ZNF525: variants seen among roughly 807,000 people sequenced by gnomAD.
ZNF525 encodes zinc finger protein 525.
ZNF525 carries 33 observed loss-of-function variants against 37.6 expected under a neutral mutation model. The ratio of observed to expected loss-of-function variants is 0.88; its 90% CI spans 0.67 to 1.17. ZNF525 has a LOEUF of 1.17. Among genes scored for constraint, ZNF525 ranks in the 50% most tolerant of loss-of-function variants. The pLI is 0.00. For synonymous variants in ZNF525, 170 were observed against 182.3 expected (o/e 0.93, Z 0.54); for missense variants, 449 against 543.1 (o/e 0.83, Z 1.72).
intron 2 of ZNF525, among the ~76,000 whole-genome samples, chr19:53,373,550 A>C (rs1226566761): frequency 6.6e-6 from 1 of 152,034 alleles, no homozygotes; most frequent in Admixed American, 6.6e-5. Context: ...TTCCAGCCTC[A>C]CTGGGGAGCC....
rs1049107425 is a variant in ZNF525 at position 53,384,046 on chromosome 19, T to C, written c.*2027T>C. On this transcript the variant is annotated 3_prime_UTR_variant, in exon 4 of 4. Coordinates refer to ENST00000474037, the MANE Select transcript of ZNF525 (RefSeq NM_001348156.2). ...CACTCCTTGCAGAATATCAGAAAATTCATTTTTCAGGTAATTGTTCCCAAT... is the reference window on the plus strand; with the variant it reads ...CACTCCTTGCAGAATATCAGAAAATCCATTTTTCAGGTAATTGTTCCCAAT... 1 of 556,676 alleles carries C rather than the reference T, an allele frequency of 1.8e-6. No individual in the cohort carries two copies. The highest frequency in any genetic ancestry group is 5.0e-5 in the East Asian group (1 of 20,002). 34.5% of individuals were successfully genotyped at this position (556,676 alleles called of 1,614,324 possible).
chr19:53,371,344 G>A (rs910020489), intron 1 of ZNF525, among the ~76,000 whole-genome samples: 1 of 151,724 alleles, frequency 6.6e-6, no homozygotes, highest in African/African-American at 2.4e-5. Flanking sequence ...GATTACAGGT[G>A]TGTGCCACCA....
chr19:53,366,730 AAAG>A (rs561348620), intron 1 of ZNF525, among the ~76,000 whole-genome samples: 148 of 150,380 alleles, frequency 9.8e-4, no homozygotes, highest in East Asian at 2.7e-3. Flanking sequence ...TGCTGGTGGC[AAAG>A]AGAACAGAGG....
rs1273172756 is a variant in ZNF525, at chr19:53,385,090, G to A, written c.*3071G>A. 1 of 572,344 alleles carries A rather than the reference G, an allele frequency of 1.7e-6. No individual in the cohort carries two copies. Among genetic ancestry groups the A allele is most frequent in the Non-Finnish European group, 3.1e-6 (1 of 320,548 alleles). 35.5% of individuals were successfully genotyped at this position (572,344 alleles called of 1,614,324 possible). A position where few individuals can be genotyped will look rare whatever the true frequency, so the allele number is the denominator to read the frequency against. On this transcript the variant is annotated 3_prime_UTR_variant, in exon 4 of 4. Coordinates refer to ENST00000474037, the MANE Select transcript of ZNF525 (RefSeq NM_001348156.2). ...ATATAACATTGATTTGCTTGAATAT[G>A]TTGAACCATCCTTGCATCCCAGAAA...
rs1363679906 is a variant in ZNF525, at chr19:53,381,320, A to G, written c.741A>G (p.Val247=). The change falls in exon 4 of 4, where the codon GTA becomes GTG. Residue 247 remains valine (V), a synonymous_variant. Transcript: ENST00000474037. ...GAGAGAAACAATATAAATGTGATGT[A>G]TGTGACAAGGTCTTTATTCGGAAGC... ...HLGEKQYKCD[V]CDKVFIRKRY... 2.2e-5 allele frequency: 33 copies of G among 1,509,484 alleles called. No individual in the cohort carries two copies. Among genetic ancestry groups the G allele is most frequent in the Non-Finnish European group, 3.0e-5 (33 of 1,084,732 alleles). The allele number at this position is 1,509,484 out of a possible 1,614,324, so 93.5% of individuals were successfully genotyped here.
At chr19:53,374,599 C>T (rs976227489) in intron 2 of ZNF525, among the ~76,000 whole-genome samples, 1 of 152,148 alleles carries the variant, frequency 6.6e-6, no homozygotes, top group Non-Finnish European at 1.5e-5. Context: ...CCTTTTCCAG[C>T]AAGATGAGAT....
In ZNF525 at chr19:53,383,052, C is replaced by G; in HGVS notation, c.*1033C>G. ...CTTGCATGTCATCATAGACTTCATA[C>G]TGGAGAGAACGCTTGCAAGTGTAAT... On this transcript the variant is annotated 3_prime_UTR_variant, in exon 4 of 4. Transcript: ENST00000474037. 2.1e-6 allele frequency: 3 copies of G among 1,440,564 alleles called. No homozygotes were observed. Among genetic ancestry groups the G allele is most frequent in the Non-Finnish European group, 2.9e-6 (3 of 1,032,844 alleles). The allele number at this position is 1,440,564 out of a possible 1,614,324, so 89.2% of individuals were successfully genotyped here. A position where few individuals can be genotyped will look rare whatever the true frequency, so the allele number is the denominator to read the frequency against.
rs900821976 is a variant in ZNF525 at position 53,384,869 on chromosome 19, A to G, written c.*2850A>G. 5.5e-5 allele frequency: 38 copies of G among 685,044 alleles called. 1 individual carries two copies. The highest frequency in any genetic ancestry group is 9.3e-5 in the Non-Finnish European group (35 of 377,076). 42.4% of individuals were successfully genotyped at this position (685,044 alleles called of 1,614,324 possible). A position where few individuals can be genotyped will look rare whatever the true frequency, so the allele number is the denominator to read the frequency against. On this transcript the variant is annotated 3_prime_UTR_variant, in exon 4 of 4. Transcript: ENST00000474037. ...ATTCTTGCATCATGTGAGATCGTAC[A>G]GGAAAGCATTCCATTTTCCCTGCTT...
intron 3 of ZNF525, chr19:53,376,237 CCTAA>C: frequency 1.4e-6 from 1 of 706,608 alleles, no homozygotes; most frequent in Non-Finnish European, 2.6e-6. Context: ...AACCCCCGTA[CCTAA>C]CTATTGGCTT....
chr19:53,375,446 G>T (rs938608624), intron 2 of ZNF525, among the ~76,000 whole-genome samples: 2 of 152,056 alleles, frequency 1.3e-5, no homozygotes, highest in African/African-American at 4.8e-5. Flanking sequence ...TTAAATTGGC[G>T]TGGTGGCATG....
Position 53,381,817 on chromosome 19 carries a change from G to A in ZNF525, c.1238G>A (p.Cys413Tyr), listed in dbSNP as rs1253785858. 1 of 1,057,366 alleles carries A rather than the reference G, an allele frequency of 9.5e-7. No individual in the cohort carries two copies. Among genetic ancestry groups the A allele is most frequent in the Admixed American group, 1.7e-5 (1 of 59,346 alleles). 65.5% of individuals were successfully genotyped at this position (1,057,366 alleles called of 1,614,324 possible). Residue 413 changes from cysteine (C) to tyrosine (Y), a missense_variant, in exon 4 of 4, where the codon TGT (cysteine) becomes TAT (tyrosine). This residue lies in a region of ZNF525 where 178 missense variants were observed against 161.5 expected (regional missense o/e 1.10). Coordinates refer to ENST00000474037, the MANE Select transcript of ZNF525 (RefSeq NM_001348156.2). ...CATACTGGAGAGAAACCTTACAAGT[G>A]TGAAGAATGTGATGAAGCTTTCCGT... ...RLHTGEKPYK[C>Y]EECDEAFRFK...
chr19:53,375,492 G>A (rs2085514832), intron 2 of ZNF525, among the ~76,000 whole-genome samples: 1 of 152,204 alleles, frequency 6.6e-6, no homozygotes, highest in Non-Finnish European at 1.5e-5. Flanking sequence ...GGCTAAGGCA[G>A]GAGAATCGCT....
intron 2 of ZNF525, 26 bp downstream of exon 2, chr19:53,372,322 T>C: frequency 1.3e-6 from 1 of 774,512 alleles, no homozygotes. Flanking sequence ...CAGTGGATTG[T>C]TCTGTCTCCT....
rs530568211 is a variant in ZNF525, at chr19:53,386,311, A to G, written c.*4292A>G. 711 of 723,630 alleles carry G rather than the reference A, an allele frequency of 9.8e-4. 6 individuals are homozygous for G. The highest frequency in any genetic ancestry group is 9.0e-3 in the South Asian group (671 of 74,334). The allele number at this position is 723,630 out of a possible 1,614,324, so 44.8% of individuals were successfully genotyped here. Reference sequence around the variant, plus strand: ...GCAAAACCATCCCACTCCCCTGTGGATTCAGATCAAAACTGGTAATAAAAT... The same window carrying G: ...GCAAAACCATCCCACTCCCCTGTGGGTTCAGATCAAAACTGGTAATAAAAT... On this transcript the variant is annotated 3_prime_UTR_variant, in exon 4 of 4. Coordinates refer to ENST00000474037, the MANE Select transcript of ZNF525 (RefSeq NM_001348156.2).
Position 53,382,920 on chromosome 19 carries a change from A to T in ZNF525, c.*901A>T, listed in dbSNP as rs2085577833. 2.1e-6 allele frequency: 3 copies of T among 1,458,626 alleles called. No individual in the cohort carries two copies. In the Admixed American group the frequency reaches 5.1e-5, roughly 25 times the overall value. The allele number at this position is 1,458,626 out of a possible 1,614,324, so 90.4% of individuals were successfully genotyped here. On this transcript the variant is annotated 3_prime_UTR_variant, in exon 4 of 4. Transcript: ENST00000474037. The stretch of plus-strand genomic sequence containing the variant: ...CCTTACAAGTGTAATGAGTGTGGTA[A>T]GATGTTCAGTCAAAATTCGGCCCTT...
intron 3 of ZNF525, among the ~76,000 whole-genome samples, chr19:53,380,489 G>T (rs907936191): frequency 1.4e-4 from 21 of 152,070 alleles, no homozygotes; most frequent in African/African-American, 4.6e-4. Flanking sequence ...AGACACTTTA[G>T]GGTCACAGTG....
chr19:53,369,966 C>T (rs576513401), intron 1 of ZNF525, among the ~76,000 whole-genome samples: 48 of 148,234 alleles, frequency 3.2e-4, no homozygotes, highest in African/African-American at 1.1e-3. Context: ...CCTCGTGATC[C>T]GCCCGCCTCG....
At chr19:53,376,974 A>T (rs1463716114) in intron 3 of ZNF525, among the ~76,000 whole-genome samples, 1 of 152,198 alleles carries the variant, frequency 6.6e-6, no homozygotes, top group Non-Finnish European at 1.5e-5. Flanking sequence ...GTCTCAAAGA[A>T]AAAAAGATTC....
intron 3 of ZNF525, among the ~76,000 whole-genome samples, chr19:53,378,955 T>G (rs1337095336): frequency 6.6e-6 from 1 of 152,194 alleles, no homozygotes; most frequent in Non-Finnish European, 1.5e-5. Context: ...TGATCTCAGT[T>G]TATAAATTTT....
Sources: gnomAD v4.1 joint callset for allele counts (sites outside exome capture counted in the v4.1 genomes callset) on GRCh38, gnomAD v4.1.1 for gene constraint, gnomAD v4.1.1 regional missense constraint, MANE v1.5 for transcripts, NCBI Gene and HGNC (gene_info 2026-07-23, HGNC 2026-07-21) for gene names.